LINGO2: variants seen among roughly 807,000 people sequenced by gnomAD.
LINGO2 encodes leucine-rich repeat and immunoglobulin-like domain-containing nogo receptor-interacting protein 2.
In LINGO2, 14 loss-of-function variants were observed where a neutral mutation model predicts 30.6. The observed-to-expected ratio is 0.46, with a 90% CI of 0.30 to 0.72. The LOEUF is 0.72. LINGO2 is among the 30% of genes least tolerant of loss of function. The pLI, the probability that LINGO2 is intolerant of heterozygous loss-of-function variation, is 0.07. For missense variants in LINGO2, 729 were observed against 751.7 expected (o/e 0.97, Z 0.35); for synonymous variants, 317 against 288.5 (o/e 1.10, Z -1.00).
intron 1 of LINGO2, among the ~76,000 whole-genome samples, chr9:28,522,898 T>G (rs1326688070): frequency 4.1e-5 from 6 of 147,614 alleles, no homozygotes; most frequent in Non-Finnish European, 6.0e-5. Context: ...AAAAAAAATA[T>G]GGGAATAAGT....
chr9:28,009,574 A>G (rs1822451757), intron 5 of LINGO2, among the ~76,000 whole-genome samples: 2 of 152,186 alleles, frequency 1.3e-5, no homozygotes, highest in Admixed American at 6.5e-5. Flanking sequence ...TATGTCTCCC[A>G]AGAAGATTTT....
the LINGO2 span, among the ~76,000 whole-genome samples, chr9:28,875,647 A>C: frequency 6.6e-6 from 1 of 152,114 alleles, no homozygotes; most frequent in South Asian, 2.1e-4. Flanking sequence ...CTTTCATCAC[A>C]ACTGATATTT....
chr9:29,111,512 T>C, the LINGO2 span, among the ~76,000 whole-genome samples: 5 of 151,916 alleles, frequency 3.3e-5, no homozygotes, highest in African/African-American at 1.2e-4. Context: ...CACACACATA[T>C]ATACATATGT....
chr9:28,506,203 T>C (rs979481256), intron 1 of LINGO2, among the ~76,000 whole-genome samples: 2 of 151,530 alleles, frequency 1.3e-5, no homozygotes, highest in African/African-American at 2.4e-5. Context: ...TTTGAACTTC[T>C]GTTCCACACT....
intron 1 of LINGO2, among the ~76,000 whole-genome samples, chr9:28,494,246 C>G (rs118159187): frequency 2.0e-5 from 3 of 152,092 alleles, no homozygotes; most frequent in Non-Finnish European, 4.4e-5. Flanking sequence ...ACTTTAAGCA[C>G]TAGGGTACAT....
At chr9:28,984,039 G>A in the LINGO2 span, among the ~76,000 whole-genome samples, 21 of 151,940 alleles carry the variant, frequency 1.4e-4, no homozygotes, top group East Asian at 9.7e-4. Flanking sequence ...TCAGAAGAAA[G>A]CTTTTTTAAA....
chr9:28,288,008 T>C (rs1398747443), intron 4 of LINGO2, among the ~76,000 whole-genome samples: 2 of 152,192 alleles, frequency 1.3e-5, no homozygotes, highest in South Asian at 2.1e-4. Context: ...GCACTACAGA[T>C]ACAATAGGCT....
rs142782244 is a variant in LINGO2 at position 28,055,191 on chromosome 9, T to A, written c.-86-42786A>T. Among the ~76,000 whole-genome samples the A allele has an allele frequency of 2.0e-5, 3 of 152,182 alleles. No homozygotes were observed. The East Asian group carries it at 5.8e-4, about 29-fold the overall frequency. The stretch of plus-strand genomic sequence containing the variant: ...CCTTATGTAAATTGGCTTAATTTTT[T>A]AAGTTTCTGCAGACAATTTCTTATG... On this transcript the variant is annotated intron_variant, in intron 4 of 5. Coordinates refer to ENST00000379992, the Ensembl canonical transcript of LINGO2.
the LINGO2 span, among the ~76,000 whole-genome samples, chr9:29,149,680 A>G: frequency 3.3e-5 from 5 of 152,082 alleles, no homozygotes; most frequent in African/African-American, 1.2e-4. Context: ...GAGATCCCAC[A>G]ACCTCCACAG....
At chr9:28,596,835 G>T (rs946158878) in intron 1 of LINGO2, among the ~76,000 whole-genome samples, 1 of 152,034 alleles carries the variant, frequency 6.6e-6, no homozygotes, top group Admixed American at 6.6e-5. Flanking sequence ...AGCAAGTTCT[G>T]CTCTTTTCAG....
In LINGO2 at chr9:28,372,881, A is replaced by G. The variant is rs145801728; in HGVS notation, c.-278-13T>C. Reference sequence around the variant, plus strand: ...TTTCTCACTTCACCTAAAAAATACAAAACACACACAAAAAGGAAACTGAAA... The same window carrying G: ...TTTCTCACTTCACCTAAAAAATACAGAACACACACAAAAAGGAAACTGAAA... On this transcript the variant is annotated splice_polypyrimidine_tract_variant and intron_variant, in intron 2 of 5. Transcript: ENST00000379992. 3.3e-5 allele frequency: 5 copies of G among 152,684 alleles called. No individual in the cohort carries two copies. Among genetic ancestry groups the G allele is most frequent in the South Asian group, 2.1e-4 (1 of 4,826 alleles). The allele number at this position is 152,684 out of a possible 1,614,324, so 9.5% of individuals were successfully genotyped here. A position where few individuals can be genotyped will look rare whatever the true frequency, so the allele number is the denominator to read the frequency against.
At chr9:28,898,089 C>G in the LINGO2 span, among the ~76,000 whole-genome samples, 1 of 152,018 alleles carries the variant, frequency 6.6e-6, no homozygotes, top group Non-Finnish European at 1.5e-5. Flanking sequence ...ACCTGCATTT[C>G]TAACAATTTA....
intron 3 of LINGO2, among the ~76,000 whole-genome samples, chr9:28,317,103 C>T (rs751053068): frequency 6.6e-6 from 1 of 151,998 alleles, no homozygotes; most frequent in Admixed American, 6.6e-5. Context: ...TAATGTATTC[C>T]AATTATGTTT....
chr9:29,149,518 G>A, the LINGO2 span, among the ~76,000 whole-genome samples: 63 of 152,180 alleles, frequency 4.1e-4, no homozygotes, highest in African/African-American at 1.4e-3. Flanking sequence ...CGCGGGCACC[G>A]AGAATGACGA....
chr9:28,493,845 C>T (rs373003938), intron 1 of LINGO2, among the ~76,000 whole-genome samples: 1 of 152,140 alleles, frequency 6.6e-6, no homozygotes, highest in Non-Finnish European at 1.5e-5. Flanking sequence ...ACAGGCTTAG[C>T]CTCCCAGTTT....
At chr9:28,462,399 T>G (rs1454351195) in intron 2 of LINGO2, among the ~76,000 whole-genome samples, 2 of 139,238 alleles carry the variant, frequency 1.4e-5, no homozygotes, top group South Asian at 4.6e-4. Context: ...AGAATAACAT[T>G]CATCATGCTC....
At chr9:29,210,599 G>A in the LINGO2 span, among the ~76,000 whole-genome samples, 1 of 152,020 alleles carries the variant, frequency 6.6e-6, no homozygotes, top group Non-Finnish European at 1.5e-5. Context: ...ATACATGAAT[G>A]ACAAACTTTA....
At chr9:28,510,332 C>T (rs1820320827) in intron 1 of LINGO2, among the ~76,000 whole-genome samples, 1 of 151,406 alleles carries the variant, frequency 6.6e-6, no homozygotes, top group African/African-American at 2.4e-5. Context: ...AGTTGATTAA[C>T]ACATATTTTG....
the LINGO2 span, among the ~76,000 whole-genome samples, chr9:28,906,630 A>T: frequency 6.6e-6 from 1 of 151,922 alleles, no homozygotes; most frequent in Non-Finnish European, 1.5e-5. Flanking sequence ...AAAAGTCACC[A>T]GGATTATATA....
Sources: gnomAD v4.1 joint callset for allele counts (sites outside exome capture counted in the v4.1 genomes callset) on GRCh38, gnomAD v4.1.1 for gene constraint, MANE v1.5 for transcripts, NCBI Gene and HGNC (gene_info 2026-07-23, HGNC 2026-07-21) for gene names.